Variants in CPNE8 observed in about 807,000 individuals in gnomAD.
CPNE8 encodes the protein copine-8.
A neutral mutation model predicts 81.5 loss-of-function variants in CPNE8; 45 were observed. That is an observed-to-expected ratio of 0.55 (90% confidence interval 0.44 to 0.71). The LOEUF (loss-of-function observed/expected upper bound fraction) is 0.71, where lower values mean the gene tolerates loss of function less well. CPNE8 is among the 30% of genes least tolerant of loss of function. CPNE8 has a pLI of 0.00. For missense variants in CPNE8, 594 were observed against 672.1 expected, an observed-to-expected ratio of 0.88 and a Z score of 1.28; for synonymous variants, 252 against 226.3, an observed-to-expected ratio of 1.11 and a Z score of -1.02.
intron 7 of CPNE8, among the ~76,000 whole-genome samples, chr12:38,774,123 C>T (rs892881940): frequency 2.0e-5 from 3 of 152,096 alleles, no homozygotes; most frequent in Non-Finnish European, 2.9e-5. Flanking sequence ...AGAATTTTCC[C>T]GGCTCTTCCA....
chr12:38,694,114 G>T (rs955023687), intron 14 of CPNE8, among the ~76,000 whole-genome samples: 3 of 151,940 alleles, frequency 2.0e-5, no homozygotes, highest in African/African-American at 7.2e-5. Context: ...TTGAGTTTTT[G>T]TTCTGGAAGT....
intron 6 of CPNE8, among the ~76,000 whole-genome samples, chr12:38,789,157 A>G (rs1467987336): frequency 6.6e-6 from 1 of 151,970 alleles, no homozygotes; most frequent in African/African-American, 2.4e-5. Flanking sequence ...TATCCTAAGC[A>G]AAAAGAACAA....
chr12:38,867,364 G>C (rs74917894), intron 3 of CPNE8, among the ~76,000 whole-genome samples: 9,957 of 146,278 alleles, frequency 0.068, 460 homozygotes, highest in Non-Finnish European at 0.1. Context: ...GAGAGAGAGA[G>C]AGAGACAGAG....
intron 10 of CPNE8, among the ~76,000 whole-genome samples, chr12:38,743,230 C>T (rs746328138): frequency 6.6e-6 from 1 of 151,754 alleles, no homozygotes; most frequent in African/African-American, 2.4e-5. Context: ...ATTTCAATGC[C>T]AAATAATGAT....
At chr12:38,738,818 TC>T (rs879718901) in intron 10 of CPNE8, among the ~76,000 whole-genome samples, 30 of 129,726 alleles carry the variant, frequency 2.3e-4, no homozygotes, top group East Asian at 5.6e-4. Context: ...TTTTTTTTTT[TC>T]TTTTTTTTTT....
At chr12:38,849,041 A>G (rs1483153112) in intron 3 of CPNE8, among the ~76,000 whole-genome samples, 1 of 152,188 alleles carries the variant, frequency 6.6e-6, no homozygotes, top group African/African-American at 2.4e-5. Context: ...AATTGAAGAG[A>G]TCATAGTATT....
intron 1 of CPNE8, 111 bp from the exon 2 acceptor site, chr12:38,874,622 C>T: frequency 1.6e-6 from 1 of 620,706 alleles, no homozygotes; most frequent in Non-Finnish European, 2.8e-6. Context: ...TATAAACATA[C>T]TCATACACAC....
At chr12:38,769,028 A>T (rs558711246) in intron 7 of CPNE8, among the ~76,000 whole-genome samples, 63 of 152,328 alleles carry the variant, frequency 4.1e-4, no homozygotes, top group Middle Eastern at 3.4e-3. Context: ...CCTTTCAGTA[A>T]TTCCAGAAGA....
At chr12:38,808,594 G>A (rs1239088483) in intron 6 of CPNE8, among the ~76,000 whole-genome samples, 1 of 126,474 alleles carries the variant, frequency 7.9e-6, no homozygotes, top group Non-Finnish European at 1.6e-5. Context: ...CACACTCTGG[G>A]GACTGTTGTG....
At chr12:38,712,883 C>G (rs976044562) in intron 13 of CPNE8, among the ~76,000 whole-genome samples, 21 of 152,080 alleles carry the variant, frequency 1.4e-4, no homozygotes, top group African/African-American at 4.8e-4. Flanking sequence ...TTCTTCATAT[C>G]TCTTATAACT....
intron 10 of CPNE8, among the ~76,000 whole-genome samples, chr12:38,758,100 T>C (rs1398187066): frequency 6.6e-6 from 1 of 152,102 alleles, no homozygotes; most frequent in East Asian, 1.9e-4. Flanking sequence ...CTATTTCTTG[T>C]TGAAAAATAT....
intron 15 of CPNE8, among the ~76,000 whole-genome samples, chr12:38,690,857 G>A (rs1363298969): frequency 6.6e-6 from 1 of 152,032 alleles, no homozygotes; most frequent in Non-Finnish European, 1.5e-5. Flanking sequence ...TGATTTTCAT[G>A]GTTTTATAAG....
intron 10 of CPNE8, among the ~76,000 whole-genome samples, chr12:38,748,690 A>C (rs1011264035): frequency 2.6e-5 from 4 of 152,016 alleles, no homozygotes; most frequent in African/African-American, 9.7e-5. Context: ...TTTTTAGTAG[A>C]GACGGGGTTT....
chr12:38,848,514 C>T (rs774395515), intron 4 of CPNE8, 45 bp downstream of exon 4: 9 of 1,532,788 alleles, frequency 5.9e-6, no homozygotes, highest in Non-Finnish European at 7.9e-6. Flanking sequence ...GTAATATTGT[C>T]TTTAAAATCA....
intron 4 of CPNE8, among the ~76,000 whole-genome samples, chr12:38,841,595 A>G (rs139448498): frequency 6.6e-6 from 1 of 152,306 alleles, no homozygotes; most frequent in Non-Finnish European, 1.5e-5. Flanking sequence ...GCAAACAAAC[A>G]GGAGGTTCAT....
chr12:38,806,985 T>C (rs543143714), intron 6 of CPNE8, among the ~76,000 whole-genome samples: 1 of 150,690 alleles, frequency 6.6e-6, no homozygotes, highest in South Asian at 2.1e-4. Context: ...AAATCATGAG[T>C]GAACTCCCAT....
At chr12:38,662,356 C>A (rs1381680095) in intron 19 of CPNE8, among the ~76,000 whole-genome samples, 2 of 152,012 alleles carry the variant, frequency 1.3e-5, no homozygotes, top group African/African-American at 2.4e-5. Flanking sequence ...TTTCTTTATA[C>A]CAATGGCAAA....
intron 10 of CPNE8, among the ~76,000 whole-genome samples, chr12:38,757,086 T>G (rs1300650245): frequency 6.6e-6 from 1 of 152,164 alleles, no homozygotes; most frequent in African/African-American, 2.4e-5. Context: ...ACTTGCATTA[T>G]ATTTCCATTG....
At chr12:38,758,617 C>T (rs1006100153) in intron 10 of CPNE8, among the ~76,000 whole-genome samples, 5 of 152,126 alleles carry the variant, frequency 3.3e-5, no homozygotes, top group African/African-American at 1.2e-4. Context: ...ACTTCTTTGC[C>T]TCAGTTTCTT....
Sources: gnomAD v4.1 joint callset for allele counts (sites outside exome capture counted in the v4.1 genomes callset) on GRCh38, gnomAD v4.1.1 for gene constraint, MANE v1.5 for transcripts, NCBI Gene and HGNC (gene_info 2026-07-23, HGNC 2026-07-21) for gene names.